The following CELF1 variants were observed in gnomAD, a reference collection of about 807,000 sequenced individuals.
CELF1 encodes CUGBP Elav-like family member 1.
A neutral mutation model predicts 61.8 loss-of-function variants in CELF1; 10 were observed. That is an observed-to-expected ratio of 0.16 (90% confidence interval 0.10 to 0.27). CELF1 has a LOEUF of 0.27. Ranked by LOEUF, CELF1 falls within the 10% of genes least tolerant of loss-of-function variation. The pLI, the probability that CELF1 is intolerant of heterozygous loss-of-function variation, is 1.00. For missense variants in CELF1, 380 were observed against 639.1 expected (o/e 0.59, Z 4.37); for synonymous variants, 236 against 225.1 (o/e 1.05, Z -0.43).
intron 1 of CELF1, among the ~76,000 whole-genome samples, chr11:47,509,919 G>T (rs749506297): frequency 6.9e-6 from 1 of 145,578 alleles, no homozygotes; most frequent in African/African-American, 2.5e-5. Context: ...AAAAATGGCC[G>T]GACATGGTGG....
chr11:47,545,666 A>C (rs1289099437), intron 1 of CELF1, among the ~76,000 whole-genome samples: 1 of 151,914 alleles, frequency 6.6e-6, no homozygotes, highest in Non-Finnish European at 1.5e-5. Context: ...TTAGTAGAAA[A>C]GTTTTACAAA....
chr11:47,551,450 G>C (rs753384964), intron 1 of CELF1, among the ~76,000 whole-genome samples: 33 of 152,196 alleles, frequency 2.2e-4, no homozygotes, highest in Middle Eastern at 6.3e-3. Flanking sequence ...AAAGCCTGAA[G>C]AATATAAAAA....
intron 9 of CELF1, among the ~76,000 whole-genome samples, chr11:47,480,911 C>G (rs555358955): frequency 6.6e-6 from 1 of 152,122 alleles, no homozygotes; most frequent in South Asian, 2.1e-4. Context: ...TGGCACATGA[C>G]TGTAATCCCA....
At chr11:47,484,549 T>C (rs2085426283) in intron 6 of CELF1, 26 bp from the exon 7 acceptor site, 1 of 1,589,722 alleles carries the variant, frequency 6.3e-7, no homozygotes. Context: ...AGAAAAGACT[T>C]GAATATTACT....
Position 47,477,440 on chromosome 11 carries a change from G to GC in CELF1, c.845-16dup. 1 of 1,612,256 alleles carries GC rather than the reference G, an allele frequency of 6.2e-7. No individual in the cohort carries two copies. Among genetic ancestry groups the GC allele is most frequent in the Non-Finnish European group, 8.5e-7 (1 of 1,178,972 alleles). On this transcript the variant is annotated splice_polypyrimidine_tract_variant and intron_variant, in intron 10 of 14. Transcript: ENST00000687097. ...TGCATTCAACCCTACAACATCCAAA[G>GC]CAAGAGATTAGCCAGCAGATAAGGG...
chr11:47,521,669 A>C (rs2095897183), intron 1 of CELF1, among the ~76,000 whole-genome samples: 1 of 152,266 alleles, frequency 6.6e-6, no homozygotes, highest in African/African-American at 2.4e-5. Flanking sequence ...AAAGTGCTCA[A>C]TAAACATTTG....
chr11:47,551,876 G>A (rs1213139225), intron 1 of CELF1, among the ~76,000 whole-genome samples: 1 of 152,088 alleles, frequency 6.6e-6, no homozygotes, highest in Admixed American at 6.6e-5. Flanking sequence ...AAATTAGCCA[G>A]GCCTGGTGGC....
At chr11:47,512,151 T>TTTTTG (rs936952638) in intron 1 of CELF1, among the ~76,000 whole-genome samples, 7 of 151,160 alleles carry the variant, frequency 4.6e-5, no homozygotes, top group South Asian at 2.1e-4. Flanking sequence ...TGTGCCCGGT[T>TTTTTG]TTTTGTTTTG....
intron 1 of CELF1, among the ~76,000 whole-genome samples, chr11:47,507,324 T>G (rs1217116459): frequency 6.6e-6 from 1 of 152,136 alleles, no homozygotes; most frequent in African/African-American, 2.4e-5. Flanking sequence ...GTTATTCATG[T>G]GGAGAGACCA....
At chr11:47,508,368 G>C (rs1255272877) in intron 1 of CELF1, among the ~76,000 whole-genome samples, 1 of 152,006 alleles carries the variant, frequency 6.6e-6, no homozygotes, top group Non-Finnish European at 1.5e-5. Flanking sequence ...TCCACCCTCT[G>C]AGACGAGACT....
intron 1 of CELF1, among the ~76,000 whole-genome samples, chr11:47,510,331 T>C (rs1451845713): frequency 2.0e-5 from 3 of 152,124 alleles, no homozygotes; most frequent in East Asian, 1.9e-4. Flanking sequence ...TGACAAAATA[T>C]TGTCTTTCCC....
rs149453500 is a variant in CELF1 at position 47,506,416 on chromosome 11, G to A, written c.-153-5484C>T. 6.9e-3 allele frequency among the ~76,000 whole-genome samples: 1,042 copies of A among 151,704 alleles called. 14 individuals carry two copies. Among genetic ancestry groups the A allele is most frequent in the African/African-American group, 0.024 (987 of 41,170 alleles). On this transcript the variant is annotated intron_variant, in intron 1 of 14. Transcript: ENST00000687097. ...TGCTCTCCAGCCTGGGTGACAGAGC[G>A]AGACTCCGGCTCAAAAAAAAGAAAA...
intron 1 of CELF1, among the ~76,000 whole-genome samples, chr11:47,517,260 G>GAAA (rs57071560): frequency 2.6e-5 from 2 of 77,024 alleles, no homozygotes; most frequent in Admixed American, 1.4e-4. Flanking sequence ...AACAAACAGA[G>GAAA]AAAAAAAAAA....
chr11:47,520,935 C>T (rs377455374), intron 1 of CELF1, among the ~76,000 whole-genome samples: 4 of 152,212 alleles, frequency 2.6e-5, no homozygotes, highest in South Asian at 2.1e-4. Context: ...TGTTACTTGG[C>T]TTGCTGTTCT....
chr11:47,565,430 C>G (rs1045343679), exon 1 of CELF1: 1 of 416,574 alleles, frequency 2.4e-6, no homozygotes, highest in African/African-American at 2.1e-5. Context: ...TCGGTCCCTC[C>G]TCCGAGGCCG....
chr11:47,564,052 C>T (rs1264769287), intron 2 of CELF1, among the ~76,000 whole-genome samples: 1 of 141,502 alleles, frequency 7.1e-6, no homozygotes, highest in African/African-American at 2.6e-5. Flanking sequence ...TTGGGCCGGG[C>T]GTGTGGCTCA....
chr11:47,478,383 G>T (rs1310830406), intron 10 of CELF1, among the ~76,000 whole-genome samples: 1 of 152,180 alleles, frequency 6.6e-6, no homozygotes, highest in African/African-American at 2.4e-5. Flanking sequence ...CTCCATTTAA[G>T]TTTTCTGTGT....
chr11:47,541,854 C>T (rs2096813973), intron 1 of CELF1, among the ~76,000 whole-genome samples: 2 of 150,830 alleles, frequency 1.3e-5, no homozygotes, highest in Non-Finnish European at 3.0e-5. Context: ...ACTACTGACC[C>T]TTCGAAATTA....
At chr11:47,509,987 G>A (rs2094954012) in intron 1 of CELF1, among the ~76,000 whole-genome samples, 2 of 151,630 alleles carry the variant, frequency 1.3e-5, no homozygotes, top group Non-Finnish European at 2.9e-5. Context: ...ACTTGAACTC[G>A]GGAAGCGGAG....
Sources: gnomAD v4.1 joint callset for allele counts (sites outside exome capture counted in the v4.1 genomes callset) on GRCh38, gnomAD v4.1.1 for gene constraint, MANE v1.5 for transcripts, NCBI Gene and HGNC (gene_info 2026-07-23, HGNC 2026-07-21) for gene names.